Variants in CRADD observed in about 807,000 individuals in gnomAD.
The protein encoded by CRADD is CARD and death domain containing adaptor protein.
A neutral mutation model predicts 15.5 loss-of-function variants in CRADD; 9 were observed. The observed-to-expected ratio is 0.58, with a 90% CI of 0.35 to 1.01. The LOEUF (loss-of-function observed/expected upper bound fraction) is 1.01. CRADD is among the 50% of genes least tolerant of loss of function. The pLI is 0.02. For missense variants in CRADD, 227 were observed against 250.3 expected (o/e 0.91, Z 0.63); for synonymous variants, 118 against 107.6 (o/e 1.10, Z -0.60).
intron 2 of CRADD, among the ~76,000 whole-genome samples, chr12:93,804,520 G>A (rs1439344732): frequency 1.3e-5 from 2 of 152,124 alleles, no homozygotes; most frequent in East Asian, 3.9e-4. Flanking sequence ...CAAGTCTCAG[G>A]AGAACAATGA....
At chr12:93,848,247 C>T (rs879435496) in intron 2 of CRADD, among the ~76,000 whole-genome samples, 6 of 151,910 alleles carry the variant, frequency 3.9e-5, no homozygotes, top group Non-Finnish European at 5.9e-5. Context: ...ATTCTAATTG[C>T]GTCATAGTCA....
At chr12:93,683,931 C>T (rs547320553) in intron 2 of CRADD, among the ~76,000 whole-genome samples, 4 of 152,312 alleles carry the variant, frequency 2.6e-5, no homozygotes, top group Non-Finnish European at 5.9e-5. Context: ...TGTGCTTCCA[C>T]TGTGACTGAG....
At chr12:93,681,829 T>G (rs1388563951) in intron 2 of CRADD, among the ~76,000 whole-genome samples, 1 of 152,152 alleles carries the variant, frequency 6.6e-6, no homozygotes, top group Non-Finnish European at 1.5e-5. Flanking sequence ...AATCTTCATA[T>G]GTTTTTGAAA....
At chr12:93,774,659 C>T (rs143000672) in intron 2 of CRADD, among the ~76,000 whole-genome samples, 515 of 152,246 alleles carry the variant, frequency 3.4e-3, no homozygotes, top group Non-Finnish European at 5.5e-3. Flanking sequence ...GATATACCCT[C>T]AGGGCTGGAG....
At chr12:93,802,962 AC>A (rs1957491620) in intron 2 of CRADD, among the ~76,000 whole-genome samples, 5 of 152,178 alleles carry the variant, frequency 3.3e-5, no homozygotes, top group Admixed American at 6.5e-5. Flanking sequence ...CTGAAACAAT[AC>A]CATTTTGCCC....
intron 2 of CRADD, among the ~76,000 whole-genome samples, chr12:93,745,196 A>T (rs1375387031): frequency 2.0e-5 from 3 of 152,180 alleles, no homozygotes; most frequent in Non-Finnish European, 4.4e-5. Flanking sequence ...GTCCAAATTT[A>T]CTGTTTATGG....
At chr12:93,730,299 A>G (rs1345651428) in intron 2 of CRADD, among the ~76,000 whole-genome samples, 2 of 152,230 alleles carry the variant, frequency 1.3e-5, no homozygotes, top group African/African-American at 4.8e-5. Flanking sequence ...GCTCCTATAT[A>G]TCAGTATTTG....
chr12:93,888,134 A>C (rs1958550693), intron 2 of CRADD, among the ~76,000 whole-genome samples: 1 of 152,192 alleles, frequency 6.6e-6, no homozygotes. Flanking sequence ...TGTTAAGGAT[A>C]GAGATGGCAG....
At chr12:93,812,765 C>A (rs865908192) in intron 2 of CRADD, among the ~76,000 whole-genome samples, 1 of 152,214 alleles carries the variant, frequency 6.6e-6, no homozygotes, top group African/African-American at 2.4e-5. Flanking sequence ...CCAAGGAAAG[C>A]AAACTCTGGC....
intron 2 of CRADD, among the ~76,000 whole-genome samples, chr12:93,724,323 G>C (rs1166468449): frequency 3.3e-5 from 5 of 150,914 alleles, no homozygotes; most frequent in Admixed American, 3.3e-4. Flanking sequence ...AGGCTGCAGA[G>C]AGCCCTGATC....
At chr12:93,747,729 G>A (rs1212002678) in intron 2 of CRADD, among the ~76,000 whole-genome samples, 1 of 152,168 alleles carries the variant, frequency 6.6e-6, no homozygotes, top group African/African-American at 2.4e-5. Flanking sequence ...GCCTTCCAAG[G>A]TGCTAGGATT....
intron 2 of CRADD, among the ~76,000 whole-genome samples, chr12:93,729,550 G>C (rs1956427283): frequency 6.6e-6 from 1 of 152,048 alleles, no homozygotes. Flanking sequence ...ACTTTGGGAG[G>C]CCAAGGCGGG....
chr12:93,782,056 C>T (rs1014455708), intron 2 of CRADD, among the ~76,000 whole-genome samples: 5 of 151,854 alleles, frequency 3.3e-5, no homozygotes, highest in African/African-American at 1.2e-4. Flanking sequence ...ATGTTTATAG[C>T]GGCACTATTC....
chr12:93,708,733 C>T (rs61928990), intron 2 of CRADD: 1 of 152,212 alleles, frequency 6.6e-6, no homozygotes, highest in African/African-American at 2.4e-5. Context: ...TGGTGCCCAA[C>T]AAAATATGGT....
At chr12:93,767,803 G>A (rs1200140776) in intron 2 of CRADD, among the ~76,000 whole-genome samples, 2 of 152,186 alleles carry the variant, frequency 1.3e-5, no homozygotes, top group African/African-American at 4.8e-5. Flanking sequence ...AATGCTGTAA[G>A]CTTCTTATGA....
At chr12:93,865,653 A>G (rs1392787398) in intron 2 of CRADD, among the ~76,000 whole-genome samples, 1 of 152,108 alleles carries the variant, frequency 6.6e-6, no homozygotes, top group Non-Finnish European at 1.5e-5. Context: ...CAATCCTCCC[A>G]TCTGGGCCTC....
intron 2 of CRADD, among the ~76,000 whole-genome samples, chr12:93,751,227 CA>C (rs1196257664): frequency 6.6e-6 from 1 of 152,134 alleles, no homozygotes; most frequent in African/African-American, 2.4e-5. Context: ...GCACAGATCA[CA>C]AAAATCTCTC....
At chr12:93,828,318 C>T (rs1957849515) in intron 2 of CRADD, among the ~76,000 whole-genome samples, 1 of 152,190 alleles carries the variant, frequency 6.6e-6, no homozygotes, top group African/African-American at 2.4e-5. Flanking sequence ...TTGATGACAT[C>T]CAGCTTATCA....
At chr12:93,852,432 G>A (rs1347243781), downstream of CRADD, among the ~76,000 whole-genome samples, 1 of 152,242 alleles carries the variant, frequency 6.6e-6, no homozygotes, top group Non-Finnish European at 1.5e-5. Flanking sequence ...AGCCCACGAT[G>A]GGCCAGACAG....
Sources: gnomAD v4.1 joint callset for allele counts (sites outside exome capture counted in the v4.1 genomes callset) on GRCh38, gnomAD v4.1.1 for gene constraint, MANE v1.5 for transcripts, NCBI Gene and HGNC (gene_info 2026-07-23, HGNC 2026-07-21) for gene names.